The following IQSEC1 variants were observed in gnomAD, a reference collection of about 807,000 sequenced individuals.
The protein encoded by IQSEC1 is IQ motif and SEC7 domain-containing protein 1.
Under a neutral mutation model 91.0 loss-of-function variants are expected in IQSEC1, and 31 were observed. The observed-to-expected ratio is 0.34, with a 90% confidence interval of 0.26 to 0.46. The LOEUF is 0.46. IQSEC1 is among the 20% of genes least tolerant of loss of function. The pLI is 1.00. For synonymous variants in IQSEC1, 699 were observed against 662.6 expected (o/e 1.05, Z -0.84); for missense variants, 1,388 against 1,575.6 (o/e 0.88, Z 2.02).
Position 12,906,522 on chromosome 3 carries a change from A to AG in IQSEC1, c.2755+1826dup, listed in dbSNP as rs879857135. ...TTCACCCCCAAACCTTTCGGGGTAC[A>AG]GGGGGGTCCCTGAGATCTGTTCCTC... On this transcript the variant is annotated intron_variant, in intron 12 of 13. Transcript: ENST00000613206. 1.7e-3 allele frequency among the ~76,000 whole-genome samples: 259 copies of AG among 152,326 alleles called. 2 individuals are homozygous for AG. Among genetic ancestry groups the AG allele is most frequent in the Admixed American group, 0.014 (216 of 15,306 alleles).
chr3:13,249,540 G>T (rs1695160204), intron 1 of IQSEC1, among the ~76,000 whole-genome samples: 1 of 152,108 alleles, frequency 6.6e-6, no homozygotes, highest in African/African-American at 2.4e-5. Flanking sequence ...CTATCCCTCA[G>T]TCATGCTCAT....
chr3:13,239,753 T>A (rs1252664524), intron 1 of IQSEC1, among the ~76,000 whole-genome samples: 1 of 152,112 alleles, frequency 6.6e-6, no homozygotes, highest in Non-Finnish European at 1.5e-5. Flanking sequence ...CCTGAGGACT[T>A]GATGCTGAGG....
chr3:12,935,747 C>T lies in IQSEC1; in HGVS notation c.1269G>A (p.Leu423=). The change falls in exon 3 of 14, where the codon TTG becomes TTA. Residue 423 remains leucine, a synonymous_variant. Transcript: ENST00000613206. The surrounding 1 kb of genome is among the most constrained non-coding windows in gnomAD (Gnocchi z 8.0). Reference sequence around the variant, plus strand: ...CCAGGGGCCTGGGGGGCCGGGGCCGCAACTCAGGCTCCTCCCGGGGGAGGC... The same window carrying T: ...CCAGGGGCCTGGGGGGCCGGGGCCGTAACTCAGGCTCCTCCCGGGGGAGGC... The part of the protein sequence containing the change: ...PKSLPREEPE[L]RPRPPRPLDS... The T allele has an allele frequency of 6.2e-7, 1 of 1,610,258 alleles. No individual in the cohort carries two copies. The highest frequency in any genetic ancestry group is 8.5e-7 in the Non-Finnish European group (1 of 1,179,772).
intron 1 of IQSEC1, among the ~76,000 whole-genome samples, chr3:13,239,950 A>G (rs13097187): frequency 0.12 from 17,784 of 152,142 alleles, 2,314 homozygotes; most frequent in African/African-American, 0.32. Context: ...GAAACAGATG[A>G]TGGTGACGGC....
chr3:13,068,456 G>A (rs1705309210), intron 1 of IQSEC1, among the ~76,000 whole-genome samples: 1 of 152,246 alleles, frequency 6.6e-6, no homozygotes, highest in South Asian at 2.1e-4. Context: ...AGAGGCAGTG[G>A]CCAGGCCTCT....
In IQSEC1 at chr3:12,935,538, T is replaced by G; in HGVS notation, c.1478A>C (p.Lys493Thr). The G allele has an allele frequency of 2.5e-6, 4 of 1,614,078 alleles. No individual in the cohort carries two copies. The highest frequency in any genetic ancestry group is 3.4e-6 in the Non-Finnish European group (4 of 1,179,982). Reference sequence around the variant, plus strand: ...CGAGTCCCAGCTGTTGCGGGCCTCCTTGTGGTAGGTCTGCTTGCTGAGCGT... The same window carrying G: ...CGAGTCCCAGCTGTTGCGGGCCTCCGTGTGGTAGGTCTGCTTGCTGAGCGT... Reference protein sequence around the residue: ...EQTLSKQTYHKEARNSWDSPA... With the variant: ...EQTLSKQTYHTEARNSWDSPA... The change falls in exon 3 of 14, where the codon AAG becomes ACG. Residue 493 changes from lysine to threonine, a missense_variant. Physicochemically the swap from Lys to Thr is moderately conservative, Grantham distance 78. This residue lies in a region of IQSEC1 where 1,059 missense variants were observed against 1,317.8 expected (regional missense o/e 0.80). Transcript: ENST00000613206. The surrounding 1 kb of genome is among the most constrained non-coding windows in gnomAD (Gnocchi z 8.0).
chr3:13,255,197 C>A (rs1695264752), intron 1 of IQSEC1, among the ~76,000 whole-genome samples: 1 of 152,226 alleles, frequency 6.6e-6, no homozygotes, highest in Admixed American at 6.5e-5. Context: ...CCCCCAGCAC[C>A]CCAGCCCAAG....
In IQSEC1 at chr3:12,967,306, C is replaced by G; in HGVS notation, c.24-25441G>C. The G allele has an allele frequency of 4.7e-6, 6 of 1,290,168 alleles. No homozygotes were observed. Among genetic ancestry groups the G allele is most frequent in the Non-Finnish European group, 6.4e-6 (6 of 943,258 alleles). The allele number at this position is 1,290,168 out of a possible 1,614,324, so 79.9% of individuals were successfully genotyped here. A position where few individuals can be genotyped will look rare whatever the true frequency, so the allele number is the denominator to read the frequency against. On this transcript the variant is annotated intron_variant, in intron 1 of 13. Coordinates refer to ENST00000613206, the MANE Select transcript of IQSEC1 (RefSeq NM_001134382.3). This position sits in a 1 kb window ranked among gnomAD's most constrained non-coding sequence, Gnocchi z 5.9. The stretch of plus-strand genomic sequence containing the variant: ...CCCGGTCCCGACGGTCACCCGCACT[C>G]CCGCACAGGCATCCCCACAGCCTGC...
intron 1 of IQSEC1, among the ~76,000 whole-genome samples, chr3:13,036,647 G>A (rs573498367): frequency 1.0e-3 from 152 of 152,224 alleles, no homozygotes; most frequent in Non-Finnish European, 1.6e-3. Context: ...GGGGGTGCCC[G>A]ACAGCCCTGG....
intron 2 of IQSEC1, among the ~76,000 whole-genome samples, chr3:13,086,085 G>A (rs1448492303): frequency 6.6e-6 from 1 of 152,236 alleles, no homozygotes; most frequent in Non-Finnish European, 1.5e-5. Flanking sequence ...TTTTGGGGCA[G>A]AGTGAGGTAG....
chr3:13,060,813 A>T (rs1254736463), intron 1 of IQSEC1, among the ~76,000 whole-genome samples: 1 of 152,152 alleles, frequency 6.6e-6, no homozygotes, highest in Non-Finnish European at 1.5e-5. Context: ...TGAGAGGGGC[A>T]CCCAGAGAAC....
chr3:12,935,439 G>A lies in IQSEC1; in HGVS notation c.1568+9C>T. 6.2e-7 allele frequency: 1 copy of A among 1,601,304 alleles called. No individual in the cohort carries two copies. The highest frequency in any genetic ancestry group is 8.5e-7 in the Non-Finnish European group (1 of 1,170,792). ...CTGCCCACCCTGAGGGGTCACCCAT[G>A]GTACTCACTTGTTGAAGAGGTTCAG... On this transcript the variant is annotated intron_variant, in intron 3 of 13. Transcript: ENST00000613206. This position sits in a 1 kb window ranked among gnomAD's most constrained non-coding sequence, Gnocchi z 8.0.
rs550338292 is a variant in IQSEC1, at chr3:12,983,087, C to T, written c.24-41222G>A. Among the ~76,000 whole-genome samples the T allele has an allele frequency of 1.3e-5, 2 of 152,222 alleles. No individual in the cohort carries two copies. The highest frequency in any genetic ancestry group is 4.8e-5 in the African/African-American group (2 of 41,546). ...ATTGCTCACTGGGGGCTCCTGAGGGCCTTCCCCACTGTAACTCACTTGCAC... is the reference window on the plus strand; with the variant it reads ...ATTGCTCACTGGGGGCTCCTGAGGGTCTTCCCCACTGTAACTCACTTGCAC... On this transcript the variant is annotated intron_variant, in intron 1 of 13. Transcript: ENST00000613206. The surrounding 1 kb of genome is among the most constrained non-coding windows in gnomAD (Gnocchi z 4.3).
intron 1 of IQSEC1, among the ~76,000 whole-genome samples, chr3:13,202,194 T>C (rs925019102): frequency 1.3e-5 from 2 of 152,254 alleles, no homozygotes; most frequent in Non-Finnish European, 2.9e-5. Context: ...AATCCTTGTG[T>C]ACTGGTGATG....
chr3:12,904,787 G>T (rs1694792525), intron 12 of IQSEC1, among the ~76,000 whole-genome samples: 1 of 152,210 alleles, frequency 6.6e-6, no homozygotes, highest in Non-Finnish European at 1.5e-5. Flanking sequence ...TCTGTAACCG[G>T]CAACTCCTTC....
In IQSEC1 at chr3:13,041,078, A is replaced by C. The variant is rs139575688; in HGVS notation, c.23+31914T>G. ...CCTGCCCTCTGGTTTTATTCTGCTC[A>C]CCTGCGCACAGGGGCTTTAATGCTT... On this transcript the variant is annotated intron_variant, in intron 1 of 13. Transcript: ENST00000613206. 2.2e-4 allele frequency among the ~76,000 whole-genome samples: 34 copies of C among 152,210 alleles called. No homozygotes were observed. In the East Asian group the frequency reaches 5.8e-3, roughly 26 times the overall value.
chr3:12,899,702 G>A lies in IQSEC1; in HGVS notation c.*1281C>T, dbSNP rs1410230140. Reference sequence around the variant, plus strand: ...TTACGGTGATCACTGCTACCACTCAGAAAACAAAACGGGAAACACACACAC... The same window carrying A: ...TTACGGTGATCACTGCTACCACTCAAAAAACAAAACGGGAAACACACACAC... On this transcript the variant is annotated 3_prime_UTR_variant, in exon 14 of 14. Transcript: ENST00000613206. 3.0e-6 allele frequency: 3 copies of A among 985,272 alleles called. No individual in the cohort carries two copies. Among genetic ancestry groups the A allele is most frequent in the African/African-American group, 1.7e-5 (1 of 57,230 alleles). The allele number at this position is 985,272 out of a possible 1,614,324, so 61.0% of individuals were successfully genotyped here. A position where few individuals can be genotyped will look rare whatever the true frequency, so the allele number is the denominator to read the frequency against.
chr3:13,280,643 C>T (rs888410967), intron 1 of IQSEC1, among the ~76,000 whole-genome samples: 4 of 152,204 alleles, frequency 2.6e-5, no homozygotes, highest in East Asian at 1.9e-4. Flanking sequence ...CCCTGGGGTC[C>T]GGGCCCAGCA....
At chr3:13,099,448 G>A (rs1223277223) in intron 2 of IQSEC1, among the ~76,000 whole-genome samples, 1 of 152,168 alleles carries the variant, frequency 6.6e-6, no homozygotes, top group African/African-American at 2.4e-5. Flanking sequence ...GAGTGAAGGT[G>A]GTGCTGCTCA....
Sources: gnomAD v4.1 joint callset for allele counts (sites outside exome capture counted in the v4.1 genomes callset) on GRCh38, gnomAD v4.1.1 for gene constraint, gnomAD v4.1.1 regional missense constraint, Gnocchi (gnomAD v3.1) non-coding constraint, MANE v1.5 for transcripts, NCBI Gene and HGNC (gene_info 2026-07-23, HGNC 2026-07-21) for gene names.